Variants in GUCY1A2 observed in about 807,000 individuals in gnomAD.
GUCY1A2 encodes the protein guanylate cyclase 1 soluble subunit alpha 2.
GUCY1A2 carries 27 observed loss-of-function variants against 63.5 expected under a neutral mutation model. The ratio of observed to expected loss-of-function variants is 0.43; its 90% CI spans 0.31 to 0.59. The LOEUF is 0.59. Ranked by LOEUF, GUCY1A2 falls within the 20% of genes least tolerant of loss-of-function variation. The probability of loss-of-function intolerance (pLI) is 0.11; values close to 1 mark genes in which losing one functional copy is unlikely to be tolerated. For synonymous variants in GUCY1A2, 364 were observed against 343.5 expected, an observed-to-expected ratio of 1.06 and a Z score of -0.66; for missense variants, 768 against 913.3, an observed-to-expected ratio of 0.84 and a Z score of 2.05.
At chr11:106,867,383 T>G (rs918367373) in intron 4 of GUCY1A2, among the ~76,000 whole-genome samples, 1 of 151,964 alleles carries the variant, frequency 6.6e-6, no homozygotes, top group Non-Finnish European at 1.5e-5. Flanking sequence ...CAATACAAAC[T>G]ATGAGCAATA....
At chr11:106,820,842 T>C (rs1378374016) in intron 4 of GUCY1A2, among the ~76,000 whole-genome samples, 1 of 152,214 alleles carries the variant, frequency 6.6e-6, no homozygotes, top group African/African-American at 2.4e-5. Flanking sequence ...GATTGAAATG[T>C]TGCCTTTGTT....
At chr11:106,711,103 T>C (rs1343350078) in intron 6 of GUCY1A2, among the ~76,000 whole-genome samples, 2 of 152,146 alleles carry the variant, frequency 1.3e-5, no homozygotes, top group Admixed American at 1.3e-4. Flanking sequence ...CTGAGAAAGA[T>C]GACAAGTTAC....
chr11:106,764,372 G>GT (rs1171108200), intron 6 of GUCY1A2, among the ~76,000 whole-genome samples: 1 of 152,020 alleles, frequency 6.6e-6, no homozygotes, highest in East Asian at 1.9e-4. Flanking sequence ...TAGGGTAATG[G>GT]TTACGAGCAT....
At chr11:106,941,456 C>T (rs1301457779) in intron 3 of GUCY1A2, among the ~76,000 whole-genome samples, 2 of 152,156 alleles carry the variant, frequency 1.3e-5, no homozygotes, top group African/African-American at 2.4e-5. Flanking sequence ...TCTACCTAAA[C>T]TCTATTGCTT....
At chr11:107,003,324 C>T (rs1355701775) in intron 1 of GUCY1A2, among the ~76,000 whole-genome samples, 1 of 152,148 alleles carries the variant, frequency 6.6e-6, no homozygotes, top group African/African-American at 2.4e-5. Flanking sequence ...CATTATTTTG[C>T]AAATATCAAC....
intron 6 of GUCY1A2, among the ~76,000 whole-genome samples, chr11:106,760,435 AG>A (rs1239914913): frequency 6.6e-6 from 1 of 152,222 alleles, no homozygotes; most frequent in African/African-American, 2.4e-5. Context: ...CCGAACTTCA[AG>A]GAATGATACA....
In GUCY1A2 at chr11:106,871,331, A is replaced by C. The variant is rs554824605; in HGVS notation, c.1207-60853T>G. ...GGTTTTTAATTTTCTACAAACTGGC[A>C]GTCTTAAAATAACAAACATTTATTC... On this transcript the variant is annotated intron_variant, in intron 4 of 7. Transcript: ENST00000526355. Among the ~76,000 whole-genome samples, 9 of 152,286 alleles carry C rather than the reference A, an allele frequency of 5.9e-5. No homozygotes were observed. The East Asian group carries it at 1.5e-3, about 26-fold the overall frequency.
At chr11:106,688,398 T>G (rs545159064) in intron 7 of GUCY1A2, among the ~76,000 whole-genome samples, 2 of 152,154 alleles carry the variant, frequency 1.3e-5, no homozygotes, top group African/African-American at 4.8e-5. Context: ...ACTAACAACA[T>G]TGGAATAAAT....
intron 1 of GUCY1A2, among the ~76,000 whole-genome samples, chr11:106,989,722 A>G (rs943677014): frequency 1.1e-4 from 16 of 152,292 alleles, no homozygotes; most frequent in Admixed American, 7.8e-4. Flanking sequence ...GAACAGAGGA[A>G]AATTCAGAAA....
chr11:106,977,185 C>A (rs896447154), intron 3 of GUCY1A2, among the ~76,000 whole-genome samples: 48 of 152,126 alleles, frequency 3.2e-4, no homozygotes, highest in Admixed American at 1.2e-3. Flanking sequence ...TGATACATCC[C>A]TTTTAGTGTG....
In GUCY1A2 at chr11:106,703,697, A is replaced by C. The variant is rs537591923; in HGVS notation, c.1991+4815T>G. Among the ~76,000 whole-genome samples the C allele has an allele frequency of 2.0e-5, 3 of 152,234 alleles. No individual in the cohort carries two copies. In the South Asian group the frequency reaches 6.2e-4, roughly 32 times the overall value. ...AGACTTGTGCCCTATAGAACTATAA[A>C]ATAATGTTTGTGTTGTTGAAGCCAA... On this transcript the variant is annotated intron_variant, in intron 7 of 7. Coordinates refer to ENST00000526355, the MANE Select transcript of GUCY1A2 (RefSeq NM_000855.3).
At position 106,868,471 on chromosome 11, in the gene GUCY1A2, CAGAG is replaced by C. The variant is rs1465408696; in HGVS notation, c.1207-57997_1207-57994del. Among the ~76,000 whole-genome samples the C allele has an allele frequency of 2.6e-5, 4 of 151,986 alleles. No homozygotes were observed. The East Asian group carries it at 7.7e-4, about 29-fold the overall frequency. On this transcript the variant is annotated intron_variant, in intron 4 of 7. Transcript: ENST00000526355. ...TGCTTACACACCAATAACAGACAAA[CAGAG>C]AGCCAAATCATGAGTGAACTCCCAT...
At chr11:107,001,773 C>T (rs1311348943) in intron 1 of GUCY1A2, among the ~76,000 whole-genome samples, 1 of 152,070 alleles carries the variant, frequency 6.6e-6, no homozygotes, top group Non-Finnish European at 1.5e-5. Flanking sequence ...AATCCCAGAA[C>T]TTTGGGAGGC....
chr11:106,766,396 T>TAAGTC lies in GUCY1A2; in HGVS notation c.1836+10038_1836+10042dup, dbSNP rs563384788. Among the ~76,000 whole-genome samples the TAAGTC allele has an allele frequency of 4.7e-4, 71 of 152,254 alleles. No homozygotes were observed. In the East Asian group the frequency reaches 0.014, roughly 29 times the overall value. On this transcript the variant is annotated intron_variant, in intron 6 of 7. Transcript: ENST00000526355. Reference sequence around the variant, plus strand: ...TCAGTTTTTAAAATAATCTACTTTTTAAGTCCATACCTTCTATTTCTATGT... The same window carrying TAAGTC: ...TCAGTTTTTAAAATAATCTACTTTTTAAGTCAAGTCCATACCTTCTATTTCTATGT...
chr11:106,782,439 T>C (rs1281637912), intron 5 of GUCY1A2, among the ~76,000 whole-genome samples: 2 of 152,350 alleles, frequency 1.3e-5, no homozygotes, highest in East Asian at 3.9e-4. Context: ...CACCTCATCA[T>C]GCTCAGGTGG....
chr11:106,772,574 T>C (rs1344875997), intron 6 of GUCY1A2, among the ~76,000 whole-genome samples: 1 of 152,204 alleles, frequency 6.6e-6, no homozygotes, highest in Non-Finnish European at 1.5e-5. Context: ...TTATTAAATC[T>C]TTATGGATAT....
At chr11:106,802,616 A>T (rs1005539456) in intron 5 of GUCY1A2, among the ~76,000 whole-genome samples, 2 of 152,134 alleles carry the variant, frequency 1.3e-5, no homozygotes, top group Non-Finnish European at 2.9e-5. Flanking sequence ...GGCTTAAACA[A>T]CAGGAATTTA....
intron 4 of GUCY1A2, among the ~76,000 whole-genome samples, chr11:106,850,486 C>A (rs991641187): frequency 2.0e-5 from 3 of 151,710 alleles, no homozygotes; most frequent in Non-Finnish European, 4.4e-5. Context: ...TGTTAACTAA[C>A]CTCGTCCCAT....
rs759975503 is a variant in GUCY1A2 at position 106,687,764 on chromosome 11, G to C, written c.1992-8C>G. On this transcript the variant is annotated splice_polypyrimidine_tract_variant and splice_region_variant and intron_variant, in intron 7 of 7. Coordinates refer to ENST00000526355, the MANE Select transcript of GUCY1A2 (RefSeq NM_000855.3). ...TCTTCTCGTTTTAATAATCTAAGAA[G>C]AAAATACAGAGCACATGAATCAAGT... The C allele has an allele frequency of 1.9e-6, 3 of 1,570,760 alleles. No homozygotes were observed. Among genetic ancestry groups the C allele is most frequent in the Non-Finnish European group, 2.6e-6 (3 of 1,140,786 alleles).
Sources: gnomAD v4.1 joint callset for allele counts (sites outside exome capture counted in the v4.1 genomes callset) on GRCh38, gnomAD v4.1.1 for gene constraint, MANE v1.5 for transcripts, NCBI Gene and HGNC (gene_info 2026-07-23, HGNC 2026-07-21) for gene names.